NEK11: variants seen among roughly 807,000 people sequenced by gnomAD.
The protein encoded by NEK11 is NIMA related kinase 11.
In NEK11, 72 loss-of-function variants were observed where a neutral mutation model predicts 80.7. That is an observed-to-expected ratio of 0.89 (90% CI 0.74 to 1.08). NEK11 has a LOEUF of 1.08. Among genes scored for constraint, NEK11 ranks in the 50% least tolerant of loss-of-function variants. NEK11 has a pLI of 0.00. For synonymous variants in NEK11, 251 were observed against 260.7 expected, an observed-to-expected ratio of 0.96 and a Z score of 0.36; for missense variants, 764 against 763.6, an observed-to-expected ratio of 1.00 and a Z score of -0.01.
intron 4 of NEK11, among the ~76,000 whole-genome samples, chr3:131,090,356 A>G (rs557214101): frequency 7.9e-5 from 12 of 152,338 alleles, no homozygotes; most frequent in African/African-American, 2.6e-4. Context: ...TTTTATTGCA[A>G]CCTTCAAGGG....
chr3:131,117,910 C>G (rs190043749), intron 5 of NEK11, among the ~76,000 whole-genome samples: 3 of 152,232 alleles, frequency 2.0e-5, no homozygotes, highest in Non-Finnish European at 4.4e-5. Flanking sequence ...ATGATTATGT[C>G]GTCTGCAAAC....
At chr3:131,222,181 C>A (rs1032965404) in intron 14 of NEK11, among the ~76,000 whole-genome samples, 1 of 152,100 alleles carries the variant, frequency 6.6e-6, no homozygotes, top group Non-Finnish European at 1.5e-5. Context: ...TTCTAACTAA[C>A]CATAAATAGA....
intron 17 of NEK11, among the ~76,000 whole-genome samples, chr3:131,275,199 C>T (rs1043352394): frequency 6.6e-6 from 1 of 152,074 alleles, no homozygotes; most frequent in Admixed American, 6.5e-5. Flanking sequence ...GAAACTACCT[C>T]CACCTCTCCT....
chr3:131,255,890 T>A (rs901045367), intron 16 of NEK11, among the ~76,000 whole-genome samples: 7 of 152,154 alleles, frequency 4.6e-5, no homozygotes, highest in African/African-American at 1.4e-4. Context: ...TGCCCAGCTG[T>A]AACCAATAAA....
intron 14 of NEK11, among the ~76,000 whole-genome samples, chr3:131,198,148 G>T (rs2094099103): frequency 6.6e-6 from 1 of 151,972 alleles, no homozygotes; most frequent in Admixed American, 6.6e-5. Context: ...TGTTAGTTTT[G>T]CCAGCTGAGC....
intron 4 of NEK11, among the ~76,000 whole-genome samples, chr3:131,085,029 C>A (rs2149078099): frequency 6.6e-6 from 1 of 152,346 alleles, no homozygotes; most frequent in East Asian, 1.9e-4. Flanking sequence ...GAGCTGAGAA[C>A]AAGAGAGTCT....
intron 4 of NEK11, among the ~76,000 whole-genome samples, chr3:131,096,906 C>A (rs1327935171): frequency 7.1e-5 from 8 of 113,216 alleles, no homozygotes; most frequent in African/African-American, 2.8e-4. Flanking sequence ...CCACAACGGT[C>A]CCCAGAATGT....
chr3:131,199,258 A>C (rs1210691079), intron 14 of NEK11, among the ~76,000 whole-genome samples: 1 of 152,164 alleles, frequency 6.6e-6, no homozygotes, highest in Admixed American at 6.5e-5. Context: ...TAAATTAGGA[A>C]AAAAAGAAAA....
intron 12 of NEK11, among the ~76,000 whole-genome samples, chr3:131,168,431 A>G (rs1321469972): frequency 6.8e-6 from 1 of 146,632 alleles, no homozygotes; most frequent in African/African-American, 2.5e-5. Context: ...ATCTCGGCTC[A>G]CTGCAAGCTC....
chr3:131,268,488 C>CCTTT (rs1196522366), intron 16 of NEK11, among the ~76,000 whole-genome samples: 1 of 152,194 alleles, frequency 6.6e-6, no homozygotes, highest in Non-Finnish European at 1.5e-5. Flanking sequence ...TGATGCTATT[C>CCTTT]CTTTCTGTTT....
At chr3:131,221,395 T>G (rs2095020333) in intron 14 of NEK11, among the ~76,000 whole-genome samples, 1 of 152,124 alleles carries the variant, frequency 6.6e-6, no homozygotes, top group South Asian at 2.1e-4. Context: ...TCTGATTCAG[T>G]AGGTTGGAGG....
intron 3 of NEK11, among the ~76,000 whole-genome samples, chr3:131,069,519 C>A (rs953295757): frequency 2.0e-5 from 3 of 152,190 alleles, no homozygotes; most frequent in Non-Finnish European, 4.4e-5. Context: ...TATAAAGACG[C>A]ATGCACACGT....
chr3:131,218,821 CAT>C (rs1380271161), intron 14 of NEK11, among the ~76,000 whole-genome samples: 2 of 152,092 alleles, frequency 1.3e-5, no homozygotes, highest in Non-Finnish European at 2.9e-5. Flanking sequence ...AGCTTTTTTT[CAT>C]ATGTTTGTTG....
chr3:131,332,470 T>A (rs1314951442), intron 17 of NEK11, among the ~76,000 whole-genome samples: 1 of 151,948 alleles, frequency 6.6e-6, no homozygotes, highest in African/African-American at 2.4e-5. Context: ...CATCTGTACA[T>A]CACCATCATC....
rs111867900 is a variant in NEK11 at position 131,277,267 on chromosome 3, T to C, written c.1718+3693T>C. Among the ~76,000 whole-genome samples the C allele has an allele frequency of 9.7e-3, 1,472 of 152,316 alleles. 17 individuals carry two copies. The highest frequency in any genetic ancestry group is 0.032 in the African/African-American group (1,317 of 41,560). On this transcript the variant is annotated intron_variant, in intron 17 of 17. Coordinates refer to ENST00000383366, the MANE Select transcript of NEK11 (RefSeq NM_024800.5). The stretch of plus-strand genomic sequence containing the variant: ...CTTCCACCTGTTCTCACATGTTACT[T>C]TTAAGGAAGTCCTATTCATCATATG...
At chr3:131,085,920 G>A (rs1016989574) in intron 4 of NEK11, among the ~76,000 whole-genome samples, 6 of 151,950 alleles carry the variant, frequency 3.9e-5, no homozygotes, top group Admixed American at 1.3e-4. Flanking sequence ...TCCCTTTCCT[G>A]CCTTGTTTTT....
Position 131,193,829 on chromosome 3 carries a change from A to G in NEK11, c.1399+22942A>G, listed in dbSNP as rs923765460. On this transcript the variant is annotated intron_variant, in intron 14 of 17. Coordinates refer to ENST00000383366, the MANE Select transcript of NEK11 (RefSeq NM_024800.5). The stretch of plus-strand genomic sequence containing the variant: ...CTTAAATATTTCTCCCAAGAGTTTG[A>G]GAGTTTCTAAATGAATCAGCCAAAT... Among the ~76,000 whole-genome samples the G allele has an allele frequency of 2.6e-5, 4 of 152,300 alleles. No homozygotes were observed. In the East Asian group the frequency reaches 7.7e-4, roughly 29 times the overall value.
chr3:131,080,368 T>C, intron 3 of NEK11, 55 bp from the exon 4 acceptor site: 1 of 1,327,982 alleles, frequency 7.5e-7, no homozygotes, highest in Non-Finnish European at 1.0e-6. Context: ...CTTGATGATA[T>C]TTGTTAAATG....
chr3:131,215,250 A>G (rs1412711469), intron 14 of NEK11, among the ~76,000 whole-genome samples: 1 of 134,392 alleles, frequency 7.4e-6, no homozygotes, highest in Non-Finnish European at 1.6e-5. Context: ...AGGAAGGGGA[A>G]CATCACACAC....
Sources: gnomAD v4.1 joint callset for allele counts (sites outside exome capture counted in the v4.1 genomes callset) on GRCh38, gnomAD v4.1.1 for gene constraint, MANE v1.5 for transcripts, NCBI Gene and HGNC (gene_info 2026-07-23, HGNC 2026-07-21) for gene names.